LAMA2: variants seen among roughly 807,000 people sequenced by gnomAD.
LAMA2 encodes laminin subunit alpha 2.
A neutral mutation model predicts 364.8 loss-of-function variants in LAMA2; 269 were observed. That is an observed-to-expected ratio of 0.74 (90% CI 0.67 to 0.82). The LOEUF (loss-of-function observed/expected upper bound fraction) is 0.82. LAMA2 is among the 40% of genes least tolerant of loss of function. LAMA2 has a pLI of 0.00. For synonymous variants in LAMA2, 1,379 were observed against 1,370.6 expected (o/e 1.01, Z -0.14); for missense variants, 3,807 against 3,873.2 (o/e 0.98, Z 0.45).
chr6:129,339,447 A>T (rs1029895421), intron 29 of LAMA2, among the ~76,000 whole-genome samples: 3 of 152,212 alleles, frequency 2.0e-5, no homozygotes, highest in African/African-American at 7.2e-5. Flanking sequence ...TATTTATTCA[A>T]GAAGCAATTA....
At chr6:129,501,021 G>C (rs1305462664) in intron 58 of LAMA2, among the ~76,000 whole-genome samples, 1 of 152,166 alleles carries the variant, frequency 6.6e-6, no homozygotes, top group African/African-American at 2.4e-5. Context: ...AGGGTGTAAA[G>C]ATGTTTCAGT....
At chr6:128,962,185 T>TATATATACACACACAC (rs1214826895) in intron 1 of LAMA2, among the ~76,000 whole-genome samples, 23 of 103,926 alleles carry the variant, frequency 2.2e-4, no homozygotes, top group African/African-American at 7.4e-4. Context: ...TATATATATA[T>TATATATACACACACAC]ACACACATAC....
At chr6:129,440,741 C>T (rs903646533) in intron 42 of LAMA2, 75 bp from the exon 43 acceptor site, 105 of 1,295,070 alleles carry the variant, frequency 8.1e-5, no homozygotes, top group Middle Eastern at 5.6e-4. Context: ...GCCACAGCCT[C>T]GCTTTGTCAA....
At chr6:128,923,958 T>C (rs925287453) in intron 1 of LAMA2, among the ~76,000 whole-genome samples, 2 of 152,082 alleles carry the variant, frequency 1.3e-5, no homozygotes, top group Admixed American at 6.6e-5. Context: ...TAGGAAGTCA[T>C]AGTCATGACT....
chr6:129,140,739 G>GA (rs199744364), intron 4 of LAMA2, among the ~76,000 whole-genome samples: 2,137 of 150,364 alleles, frequency 0.014, 23 homozygotes, highest in Non-Finnish European at 0.024. Context: ...AAGGAGAAAG[G>GA]AAAAAAAAAT....
intron 1 of LAMA2, among the ~76,000 whole-genome samples, chr6:129,030,328 G>C: frequency 6.6e-6 from 1 of 151,962 alleles, no homozygotes; most frequent in East Asian, 1.9e-4. Flanking sequence ...TGAAGGCAAG[G>C]GTCCTTGACT....
intron 11 of LAMA2, among the ~76,000 whole-genome samples, chr6:129,191,685 C>CT: frequency 6.6e-6 from 1 of 152,334 alleles, no homozygotes; most frequent in East Asian, 1.9e-4. Context: ...TCTCATTTAA[C>CT]TAAGGGAATT....
At chr6:129,370,594 C>G (rs1158504483) in intron 34 of LAMA2, among the ~76,000 whole-genome samples, 1 of 152,160 alleles carries the variant, frequency 6.6e-6, no homozygotes, top group African/African-American at 2.4e-5. Context: ...ACATAAAGCC[C>G]GCCATCTTGT....
chr6:129,277,145 G>A (rs986636807), intron 17 of LAMA2, among the ~76,000 whole-genome samples: 13 of 152,078 alleles, frequency 8.5e-5, no homozygotes, highest in African/African-American at 2.9e-4. Flanking sequence ...GCGTGGTTTG[G>A]ATAATCCGGG....
intron 12 of LAMA2, 134 bp downstream of exon 12, chr6:129,192,987 C>A: frequency 2.1e-6 from 2 of 959,622 alleles, no homozygotes; most frequent in Non-Finnish European, 3.2e-6. Flanking sequence ...AGCTAAATCA[C>A]ATTGAGTTGG....
At chr6:129,201,794 A>G (rs1782306679) in intron 12 of LAMA2, among the ~76,000 whole-genome samples, 1 of 152,186 alleles carries the variant, frequency 6.6e-6, no homozygotes, top group South Asian at 2.1e-4. Flanking sequence ...AAAATCAATC[A>G]ATGGAAACAG....
rs557809046 is a variant in LAMA2, at chr6:129,048,160, C to T, written c.113-1758C>T. On this transcript the variant is annotated intron_variant, in intron 1 of 64. Transcript: ENST00000421865. ...TGCTTGGCACATTGCAAACATTCAA[C>T]GATGCTGGCTATTATGATTATAATT... 9.8e-5 allele frequency among the ~76,000 whole-genome samples: 15 copies of T among 152,290 alleles called. No homozygotes were observed. In the South Asian group the frequency reaches 1.4e-3, roughly 15 times the overall value.
At chr6:129,438,849 A>G in intron 42 of LAMA2, 87 bp downstream of exon 42, 1 of 775,774 alleles carries the variant, frequency 1.3e-6, no homozygotes, top group Non-Finnish European at 2.4e-6. Flanking sequence ...TTCTAAGATT[A>G]TTCTGGTACT....
Position 129,313,022 on chromosome 6 carries a change from G to A in LAMA2, c.3336G>A (p.Gly1112=), listed in dbSNP as rs1425922238. The A allele has an allele frequency of 3.7e-6, 6 of 1,614,064 alleles. No homozygotes were observed. The highest frequency in any genetic ancestry group is 3.3e-5 in the Admixed American group (2 of 60,000). The change falls in exon 23 of 65, where the codon GGG becomes GGA. Residue 1112 remains glycine, a synonymous_variant. Transcript: ENST00000421865. ...ATCTCTGTGACTGCTTCCTCCCTGGGACAGATGCCACAACCTGTGATTCAG... is the reference window on the plus strand; with the variant it reads ...ATCTCTGTGACTGCTTCCTCCCTGGAACAGATGCCACAACCTGTGATTCAG... ...RCNLCDCFLP[G]TDATTCDSET... is the part of the protein sequence containing the mutation.
intron 1 of LAMA2, among the ~76,000 whole-genome samples, chr6:128,908,919 G>T (rs1261496302): frequency 6.8e-6 from 1 of 147,220 alleles, no homozygotes; most frequent in East Asian, 2.0e-4. Flanking sequence ...GGAGCAGGTT[G>T]TTCAGTTTCC....
At chr6:129,414,081 A>G (rs1319863355) in intron 40 of LAMA2, among the ~76,000 whole-genome samples, 2 of 152,096 alleles carry the variant, frequency 1.3e-5, no homozygotes, top group Non-Finnish European at 2.9e-5. Context: ...ATAAAAATGG[A>G]TATATTGGAG....
chr6:128,985,632 C>G (rs1415779989), intron 1 of LAMA2, among the ~76,000 whole-genome samples: 1 of 151,940 alleles, frequency 6.6e-6, no homozygotes, highest in Admixed American at 6.6e-5. Context: ...TATAAGGAAC[C>G]CTCAAGTACA....
At chr6:129,334,931 C>G (rs893594974) in intron 29 of LAMA2, among the ~76,000 whole-genome samples, 7 of 152,142 alleles carry the variant, frequency 4.6e-5, no homozygotes, top group African/African-American at 1.7e-4. Context: ...TTTCAACATA[C>G]AAATTTTTGG....
intron 7 of LAMA2, among the ~76,000 whole-genome samples, chr6:129,150,626 C>G (rs1778734028): frequency 6.6e-6 from 1 of 152,188 alleles, no homozygotes; most frequent in South Asian, 2.1e-4. Flanking sequence ...CTACTGTACA[C>G]ATTTTTAAAA....
Sources: allele counts gnomAD v4.1 joint callset (sites outside exome capture counted in the v4.1 genomes callset), GRCh38; gene constraint gnomAD v4.1.1; transcripts MANE v1.5; gene names NCBI Gene and HGNC (gene_info 2026-07-23, HGNC 2026-07-21).